SGTB: variants seen among roughly 807,000 people sequenced by gnomAD.
SGTB encodes small glutamine-rich tetratricopeptide repeat-containing protein beta.
SGTB carries 19 observed loss-of-function variants against 43.9 expected under a neutral mutation model. That is an observed-to-expected ratio of 0.43 (90% CI 0.30 to 0.63). The LOEUF (loss-of-function observed/expected upper bound fraction) is 0.63, where lower values mean the gene tolerates loss of function less well. SGTB is among the 30% of genes least tolerant of loss of function. The pLI is 0.12. For synonymous variants in SGTB, 116 were observed against 117.3 expected (o/e 0.99, Z 0.07); for missense variants, 304 against 358.9 (o/e 0.85, Z 1.24).
rs758164359 is a variant in SGTB at position 65,685,421 on chromosome 5, A to G, written c.426T>C (p.Cys142=). The G allele has an allele frequency of 1.7e-5, 27 of 1,614,176 alleles. 1 individual carries two copies. In the South Asian group the frequency reaches 3.0e-4, roughly 18 times the overall value. ...TTGAATCAATTGCTATTGCTTTTTCACAATCCTTTATCGCATCTGTGTAGT... is the reference window on the plus strand; with the variant it reads ...TTGAATCAATTGCTATTGCTTTTTCGCAATCCTTTATCGCATCTGTGTAGT... ...LGHYTDAIKD[C]EKAIAIDSKY... Residue 142 remains cysteine (C), a synonymous_variant, in exon 6 of 11, where the codon TGT becomes TGC. Transcript: ENST00000381007.
rs929457225 is a variant in SGTB, at chr5:65,667,624, G to C, written c.*2622C>G. On this transcript the variant is annotated 3_prime_UTR_variant, in exon 11 of 11. Coordinates refer to ENST00000381007, the MANE Select transcript of SGTB (RefSeq NM_019072.3). ...CTGCAGAACTATATATCTTCATACA[G>C]ATCTTCGTTGTAGCTTTGTTTGGCC... The C allele has an allele frequency of 2.0e-5, 2 of 102,312 alleles. No individual in the cohort carries two copies. Among genetic ancestry groups the C allele is most frequent in the Admixed American group, 1.8e-4 (2 of 11,134 alleles). 6.3% of individuals were successfully genotyped at this position (102,312 alleles called of 1,614,324 possible).
chr5:65,692,292 A>G (rs866673650), intron 5 of SGTB, among the ~76,000 whole-genome samples: 2 of 152,370 alleles, frequency 1.3e-5, no homozygotes, highest in Non-Finnish European at 1.5e-5. Flanking sequence ...AATATTTAAT[A>G]GAAGTTTGTT....
At position 65,667,638 on chromosome 5, in the gene SGTB, CTTTG is replaced by C. The variant is rs33916729; in HGVS notation, c.*2604_*2607del. On this transcript the variant is annotated 3_prime_UTR_variant, in exon 11 of 11. Coordinates refer to ENST00000381007, the MANE Select transcript of SGTB (RefSeq NM_019072.3). The stretch of plus-strand genomic sequence containing the variant: ...ATCTTCATACAGATCTTCGTTGTAG[CTTTG>C]TTTGGCCCAGGTGCTTAGGTGTTTG... The C allele has an allele frequency of 0.62, 93,574 of 151,158 alleles. 29,217 individuals carry two copies. The highest frequency in any genetic ancestry group is 0.64 in the South Asian group (3,084 of 4,790). 9.4% of individuals were successfully genotyped at this position (151,158 alleles called of 1,614,324 possible).
intron 5 of SGTB, among the ~76,000 whole-genome samples, chr5:65,699,144 C>T (rs933348111): frequency 6.6e-6 from 1 of 152,108 alleles, no homozygotes; most frequent in African/African-American, 2.4e-5. Flanking sequence ...GGCTCATCGG[C>T]CAATGAGTGG....
At chr5:65,717,027 T>C (rs1389854846) in intron 2 of SGTB, among the ~76,000 whole-genome samples, 1 of 149,934 alleles carries the variant, frequency 6.7e-6, no homozygotes, top group African/African-American at 2.5e-5. Flanking sequence ...GGAAACTAAA[T>C]AAAATATACT....
Position 65,705,310 on chromosome 5 carries a change from C to T in SGTB, c.275-932G>A, listed in dbSNP as rs1353713282. 3.9e-5 allele frequency among the ~76,000 whole-genome samples: 6 copies of T among 152,002 alleles called. No homozygotes were observed. The East Asian group carries it at 1.2e-3, about 29-fold the overall frequency. ...AAAAAGAATAATTAAAAAAATTAGC[C>T]AGGCGCAGTGGTACACACTTGTAGT... On this transcript the variant is annotated intron_variant, in intron 4 of 10. Coordinates refer to ENST00000381007, the MANE Select transcript of SGTB (RefSeq NM_019072.3).
chr5:65,689,138 A>C (rs752103412), intron 5 of SGTB, among the ~76,000 whole-genome samples: 4 of 152,176 alleles, frequency 2.6e-5, no homozygotes, highest in Non-Finnish European at 5.9e-5. Context: ...GTTTAGTTAA[A>C]ATTTATCTTT....
intron 6 of SGTB, 41 bp from the exon 7 acceptor site, chr5:65,680,835 A>G: frequency 6.3e-7 from 1 of 1,589,016 alleles, no homozygotes; most frequent in Non-Finnish European, 8.6e-7. Flanking sequence ...TATATGATTA[A>G]AGAACATCAG....
intron 8 of SGTB, among the ~76,000 whole-genome samples, chr5:65,676,227 C>CA (rs1257775150): frequency 6.6e-6 from 1 of 151,280 alleles, no homozygotes; most frequent in Admixed American, 6.6e-5. Context: ...CAAAGAAGAT[C>CA]AAAAAAGACA....
Position 65,703,954 on chromosome 5 carries a change from C to T in SGTB, c.374+325G>A, listed in dbSNP as rs980648418. ...TTGGGAGGCTGAGGCAGGAGAAGGG[C>T]GTGAACCCGGGAAGCGGAGCTTGCA... On this transcript the variant is annotated intron_variant, in intron 5 of 10. Transcript: ENST00000381007. Among the ~76,000 whole-genome samples the T allele has an allele frequency of 9.3e-5, 14 of 149,796 alleles. No homozygotes were observed. In the East Asian group the frequency reaches 2.8e-3, roughly 30 times the overall value.
intron 4 of SGTB, among the ~76,000 whole-genome samples, chr5:65,706,089 G>C (rs887819357): frequency 1.3e-5 from 2 of 151,984 alleles, no homozygotes; most frequent in Non-Finnish European, 2.9e-5. Flanking sequence ...ACAACTCTGT[G>C]AATATATGAG....
chr5:65,708,632 A>G, intron 3 of SGTB, 74 bp from the exon 4 acceptor site: 2 of 1,133,530 alleles, frequency 1.8e-6, no homozygotes, highest in African/African-American at 3.2e-5. Context: ...ATAAATAAAT[A>G]ATAAATTACC....
intron 8 of SGTB, 103 bp downstream of exon 8, chr5:65,680,391 A>T: frequency 8.4e-7 from 1 of 1,197,302 alleles, no homozygotes; most frequent in Non-Finnish European, 1.2e-6. Context: ...ATACTCCACT[A>T]CAACCACCAC....
rs1432215806 is a variant in SGTB, at chr5:65,666,868, A to G, written c.*3378T>C. The G allele has an allele frequency of 6.6e-6, 1 of 152,188 alleles. No individual in the cohort carries two copies. The highest frequency in any genetic ancestry group is 1.5e-5 in the Non-Finnish European group (1 of 68,008). 9.4% of individuals were successfully genotyped at this position (152,188 alleles called of 1,614,324 possible). On this transcript the variant is annotated 3_prime_UTR_variant, in exon 11 of 11. Coordinates refer to ENST00000381007, the MANE Select transcript of SGTB (RefSeq NM_019072.3). ...ACTACAGATGTTAGCACATGAAGACATTGTTTTAAAGTTTTTTTTCTTATA... is the reference window on the plus strand; with the variant it reads ...ACTACAGATGTTAGCACATGAAGACGTTGTTTTAAAGTTTTTTTTCTTATA...
At chr5:65,693,071 G>A (rs771204945) in intron 5 of SGTB, among the ~76,000 whole-genome samples, 4 of 152,032 alleles carry the variant, frequency 2.6e-5, no homozygotes, top group South Asian at 4.1e-4. Flanking sequence ...TGGGTGTCCC[G>A]TGGTCCCTGC....
At chr5:65,701,404 T>C (rs1308081410) in intron 5 of SGTB, among the ~76,000 whole-genome samples, 2 of 145,174 alleles carry the variant, frequency 1.4e-5, no homozygotes, top group Non-Finnish European at 3.1e-5. Flanking sequence ...AATAAGAAAA[T>C]AGAAGTTATT....
chr5:65,683,344 T>C (rs571041801), intron 6 of SGTB, among the ~76,000 whole-genome samples: 1 of 152,332 alleles, frequency 6.6e-6, no homozygotes, highest in South Asian at 2.1e-4. Context: ...TAATTGTGCA[T>C]GTACATGAAT....
chr5:65,692,922 G>C (rs1452286141), intron 5 of SGTB, among the ~76,000 whole-genome samples: 1 of 152,008 alleles, frequency 6.6e-6, no homozygotes, highest in Non-Finnish European at 1.5e-5. Flanking sequence ...AAGACAAAGA[G>C]AGGCCAGGTG....
At chr5:65,704,050 AAAT>A (rs1561163372) in intron 5 of SGTB, among the ~76,000 whole-genome samples, 14 of 99,356 alleles carry the variant, frequency 1.4e-4, no homozygotes, top group African/African-American at 4.5e-4. Context: ...AAAAAAAAAA[AAAT>A]AAATAAATAA....
Sources: gnomAD v4.1 joint callset for allele counts (sites outside exome capture counted in the v4.1 genomes callset) on GRCh38, gnomAD v4.1.1 for gene constraint, MANE v1.5 for transcripts, NCBI Gene and HGNC (gene_info 2026-07-23, HGNC 2026-07-21) for gene names.